Variants in UBQLN4 observed in about 807,000 individuals in gnomAD.
UBQLN4 encodes ubiquilin-4.
UBQLN4 carries 11 observed loss-of-function variants against 60.4 expected under a neutral mutation model. That is an observed-to-expected ratio of 0.18 (90% CI 0.11 to 0.30). The LOEUF (loss-of-function observed/expected upper bound fraction) is 0.30. UBQLN4 is among the 10% of genes least tolerant of loss of function. The pLI, the probability that UBQLN4 is intolerant of heterozygous loss-of-function variation, is 1.00. For missense variants in UBQLN4, 417 were observed against 795.5 expected, an observed-to-expected ratio of 0.52 and a Z score of 5.72; for synonymous variants, 258 against 313.1, an observed-to-expected ratio of 0.82 and a Z score of 1.86.
intron 10 of UBQLN4, among the ~76,000 whole-genome samples, chr1:156,040,846 G>T (rs1683543806): frequency 6.6e-6 from 1 of 152,168 alleles, no homozygotes; most frequent in Non-Finnish European, 1.5e-5. Flanking sequence ...CATACATTTT[G>T]GTTGAATGGC....
chr1:156,039,404 C>T (rs945765191), intron 10 of UBQLN4, among the ~76,000 whole-genome samples: 5 of 151,976 alleles, frequency 3.3e-5, no homozygotes, highest in East Asian at 2.0e-4. Flanking sequence ...GCATGCGCCA[C>T]GACACCCAGC....
chr1:156,036,874 G>A lies in UBQLN4; in HGVS notation c.*104C>T, dbSNP rs1683415978. ...TCACCCTGCTGTTTGGAAAGGATGA[G>A]GGAGAAGACGGAAGGGAGGACAAGC... On this transcript the variant is annotated 3_prime_UTR_variant, in exon 11 of 11. Transcript: ENST00000368309. The A allele has an allele frequency of 4.6e-6, 7 of 1,535,658 alleles. No individual in the cohort carries two copies. In the Admixed American group the frequency reaches 1.2e-4, roughly 27 times the overall value.
At chr1:156,038,815 T>C (rs1348291742) in intron 10 of UBQLN4, among the ~76,000 whole-genome samples, 4 of 146,312 alleles carry the variant, frequency 2.7e-5, no homozygotes, top group East Asian at 2.1e-4. Context: ...TCTTCTTCTT[T>C]TTTTTTTTTT....
chr1:156,041,636 G>T lies in UBQLN4; in HGVS notation c.1502C>A (p.Pro501His), dbSNP rs62001918. 2.0e-3 allele frequency: 3,112 copies of T among 1,595,256 alleles called. 45 individuals are homozygous for T. The African/African-American group carries it at 0.037, about 19-fold the overall frequency. The change falls in exon 10 of 11, where the codon CCC becomes CAC. Residue 501 changes from proline (P) to histidine (H), a missense_variant. Coordinates refer to ENST00000368309, the MANE Select transcript of UBQLN4 (RefSeq NM_020131.5). ...AGACCCTGCGTTGCTGCCTGCTGAG[G>T]GTGCTGGGGTCCGGGATATCCCAAA... The part of the protein sequence containing the change: ...GSFGISRTPA[P>H]SAGSNAGSTP...
intron 10 of UBQLN4, among the ~76,000 whole-genome samples, chr1:156,038,812 CT>C (rs536553162): frequency 2.2e-4 from 29 of 133,098 alleles, no homozygotes; most frequent in South Asian, 2.3e-4. Flanking sequence ...AGGTCTTCTT[CT>C]TTTTTTTTTT....
In UBQLN4 at chr1:156,038,038, C is replaced by T. The variant is rs1327739733; in HGVS notation, c.1654-908G>A. On this transcript the variant is annotated intron_variant, in intron 10 of 10. Transcript: ENST00000368309. ...CCTTCTCTCTGAGCCTCCTGAGTAG[C>T]TGGGGCTACAGGTGTGTACCACCTT... Among the ~76,000 whole-genome samples the T allele has an allele frequency of 3.3e-5, 5 of 152,284 alleles. No homozygotes were observed. In the East Asian group the frequency reaches 9.6e-4, roughly 29 times the overall value.
Position 156,035,827 on chromosome 1 carries a change from T to A in UBQLN4, c.*1151A>T. On this transcript the variant is annotated 3_prime_UTR_variant, in exon 11 of 11. Coordinates refer to ENST00000368309, the MANE Select transcript of UBQLN4 (RefSeq NM_020131.5). ...CAATGGACTGACCTTTTTACCCACT[T>A]GTCTCTGGTGGTGGGAGAGCACTCT... 1 of 985,502 alleles carries A rather than the reference T, an allele frequency of 1.0e-6. No homozygotes were observed. Among genetic ancestry groups the A allele is most frequent in the South Asian group, 4.7e-5 (1 of 21,278 alleles). 61.0% of individuals were successfully genotyped at this position (985,502 alleles called of 1,614,324 possible).
chr1:156,040,380 CAAA>C (rs761867504), intron 10 of UBQLN4, among the ~76,000 whole-genome samples: 2 of 125,896 alleles, frequency 1.6e-5, no homozygotes, highest in East Asian at 2.6e-4. Flanking sequence ...AACTCTGTCT[CAAA>C]AAAAAAAAAA....
intron 5 of UBQLN4, among the ~76,000 whole-genome samples, chr1:156,044,479 T>C (rs913563224): frequency 7.2e-5 from 11 of 152,102 alleles, no homozygotes; most frequent in African/African-American, 2.2e-4. Context: ...ATCCCCCCGG[T>C]GGCTTTCAAT....
At chr1:156,043,556 C>G (rs918391240) in intron 6 of UBQLN4, among the ~76,000 whole-genome samples, 1 of 152,204 alleles carries the variant, frequency 6.6e-6, no homozygotes, top group African/African-American at 2.4e-5. Context: ...GCCATGTGTA[C>G]AGTCATAGTC....
In UBQLN4 at chr1:156,042,455, G is replaced by A. The variant is rs533045894; in HGVS notation, c.1267-219C>T. 1.2e-4 allele frequency: 170 copies of A among 1,398,478 alleles called. 2 individuals carry two copies. In the South Asian group the frequency reaches 2.6e-3, roughly 21 times the overall value. 86.6% of individuals were successfully genotyped at this position (1,398,478 alleles called of 1,614,324 possible). On this transcript the variant is annotated intron_variant, in intron 7 of 10. Transcript: ENST00000368309. Reference sequence around the variant, plus strand: ...TGAGGAGTCAGCCTGCTCAGCCCTGGGTCTGATGATGATGAGGACAGCTAA... The same window carrying A: ...TGAGGAGTCAGCCTGCTCAGCCCTGAGTCTGATGATGATGAGGACAGCTAA...
chr1:156,053,403 C>T (rs1485511639), intron 1 of UBQLN4, among the ~76,000 whole-genome samples, 191 bp downstream of exon 1: 1 of 151,892 alleles, frequency 6.6e-6, no homozygotes, highest in African/African-American at 2.4e-5. Flanking sequence ...TCAACACGCG[C>T]CACGCTCCCC....
downstream of UBQLN4, among the ~76,000 whole-genome samples, chr1:156,031,577 C>CTTTT (rs58222507): frequency 2.4e-5 from 3 of 122,748 alleles, no homozygotes; most frequent in African/African-American, 5.7e-5. Context: ...GGAACTTCTT[C>CTTTT]TTTTTTTTTT....
At chr1:156,037,688 T>C (rs1683445127) in intron 10 of UBQLN4, among the ~76,000 whole-genome samples, 1 of 152,186 alleles carries the variant, frequency 6.6e-6, no homozygotes, top group African/African-American at 2.4e-5. Flanking sequence ...CTGATAGGCC[T>C]AGATCAGCAT....
In UBQLN4 at chr1:156,036,098, G is replaced by A. The variant is rs1174345716; in HGVS notation, c.*880C>T. On this transcript the variant is annotated 3_prime_UTR_variant, in exon 11 of 11. Transcript: ENST00000368309. ...CCAATATGACCCCTTGTGGGGCGTG[G>A]CGCTTAGCTTCATTGGGCTCCTTTT... The A allele has an allele frequency of 2.0e-6, 2 of 985,560 alleles. No individual in the cohort carries two copies. Among genetic ancestry groups the A allele is most frequent in the Non-Finnish European group, 1.2e-6 (1 of 829,946 alleles). 61.1% of individuals were successfully genotyped at this position (985,560 alleles called of 1,614,324 possible).
In UBQLN4 at chr1:156,041,883, C is replaced by T; in HGVS notation, c.1455G>A (p.Gly485=). 6.2e-7 allele frequency: 1 copy of T among 1,612,774 alleles called. No individual in the cohort carries two copies. Reference sequence around the variant, plus strand: ...CCCCCTACCCTCACCTGGGTACCAGCCCAGGGGCCTCGGTCTGCAAGGTCT... The same window carrying T: ...CCCCCTACCCTCACCTGGGTACCAGTCCAGGGGCCTCGGTCTGCAAGGTCT... The part of the protein sequence containing the change: ...GLQTLQTEAP[G]LVPSLGSFGI... The change falls in exon 9 of 11, where the codon GGG becomes GGA. Residue 485 remains glycine (G), a synonymous_variant. Coordinates refer to ENST00000368309, the MANE Select transcript of UBQLN4 (RefSeq NM_020131.5).
chr1:156,037,490 G>A (rs1190857647), intron 10 of UBQLN4, among the ~76,000 whole-genome samples: 1 of 152,216 alleles, frequency 6.6e-6, no homozygotes, highest in Non-Finnish European at 1.5e-5. Context: ...CAGCTACTCA[G>A]GAGGCTGAGG....
downstream of UBQLN4, chr1:156,035,263 C>T: frequency 1.0e-6 from 1 of 985,378 alleles, no homozygotes; most frequent in East Asian, 1.1e-4. Flanking sequence ...TTGTTTTCAG[C>T]CAGCTTCTTC....
chr1:156,047,692 A>G (rs528409713), intron 5 of UBQLN4, among the ~76,000 whole-genome samples: 4 of 151,274 alleles, frequency 2.6e-5, no homozygotes, highest in Non-Finnish European at 5.9e-5. Context: ...TCAGGAGATC[A>G]AGATCATCCT....
Sources: gnomAD v4.1 joint callset for allele counts (sites outside exome capture counted in the v4.1 genomes callset) on GRCh38, gnomAD v4.1.1 for gene constraint, MANE v1.5 for transcripts, NCBI Gene and HGNC (gene_info 2026-07-23, HGNC 2026-07-21) for gene names.